Variants in FAM13A observed in about 807,000 individuals in gnomAD.
The protein encoded by FAM13A is family with sequence similarity 13 member A.
Under a neutral mutation model 129.6 loss-of-function variants are expected in FAM13A, and 76 were observed. The ratio of observed to expected loss-of-function variants is 0.59; its 90% confidence interval spans 0.49 to 0.71. FAM13A has a LOEUF of 0.71. Among genes scored for constraint, FAM13A ranks in the 30% least tolerant of loss-of-function variants. The pLI is 0.00. For synonymous variants in FAM13A, 443 were observed against 449.9 expected, an observed-to-expected ratio of 0.98 and a Z score of 0.20; for missense variants, 1,108 against 1,249.3, an observed-to-expected ratio of 0.89 and a Z score of 1.70.
intron 7 of FAM13A, among the ~76,000 whole-genome samples, chr4:88,837,140 A>T (rs973634541): frequency 6.6e-6 from 1 of 150,508 alleles, no homozygotes; most frequent in African/African-American, 2.4e-5. Flanking sequence ...GATTACAGGC[A>T]TGCGCCACCA....
At chr4:88,976,208 A>G (rs16996143) in intron 4 of FAM13A, among the ~76,000 whole-genome samples, 105,513 of 152,030 alleles carry the variant, frequency 0.69, 36,747 homozygotes, top group Middle Eastern at 0.8. Flanking sequence ...CTGACTTAAA[A>G]GATCTTGAAT....
chr4:89,040,215 G>A (rs561076519), intron 1 of FAM13A, among the ~76,000 whole-genome samples: 2 of 152,248 alleles, frequency 1.3e-5, no homozygotes, highest in African/African-American at 2.4e-5. Context: ...GCCTGTATAT[G>A]TATTGTATAT....
intron 3 of FAM13A, among the ~76,000 whole-genome samples, chr4:89,007,160 T>C (rs1056059665): frequency 1.1e-4 from 16 of 152,148 alleles, no homozygotes; most frequent in African/African-American, 3.4e-4. Flanking sequence ...GATTTAAAAA[T>C]GCCTACAAAG....
At chr4:88,951,323 G>T (rs1222523462) in intron 4 of FAM13A, among the ~76,000 whole-genome samples, 2 of 152,172 alleles carry the variant, frequency 1.3e-5, no homozygotes, top group Non-Finnish European at 2.9e-5. Flanking sequence ...GTGTGGATGA[G>T]TTCTATGAAC....
rs549552554 is a variant in FAM13A at position 88,940,963 on chromosome 4, T to C, written c.606-2722A>G. Among the ~76,000 whole-genome samples the C allele has an allele frequency of 1.3e-3, 196 of 152,326 alleles. 2 individuals are homozygous for C. Among genetic ancestry groups the C allele is most frequent in the African/African-American group, 4.1e-3 (172 of 41,582 alleles). Reference sequence around the variant, plus strand: ...GAGAGGATACAAAATGAAAGGATGATGTTGGCACCCCCAAATTCTATTGGC... The same window carrying C: ...GAGAGGATACAAAATGAAAGGATGACGTTGGCACCCCCAAATTCTATTGGC... On this transcript the variant is annotated intron_variant, in intron 4 of 23. Transcript: ENST00000264344.
chr4:89,037,935 G>A (rs1457898759), intron 1 of FAM13A, among the ~76,000 whole-genome samples: 2 of 152,174 alleles, frequency 1.3e-5, no homozygotes, highest in Non-Finnish European at 2.9e-5. Context: ...GTGGAACCAG[G>A]AGACAATTAA....
At chr4:88,964,082 T>C (rs945578603) in intron 4 of FAM13A, among the ~76,000 whole-genome samples, 11 of 152,196 alleles carry the variant, frequency 7.2e-5, no homozygotes, top group African/African-American at 2.7e-4. Context: ...CAACATAAAG[T>C]AGCTGCAATC....
intron 4 of FAM13A, among the ~76,000 whole-genome samples, chr4:88,972,045 T>C (rs1490195409): frequency 1.3e-5 from 2 of 152,138 alleles, no homozygotes; most frequent in Non-Finnish European, 2.9e-5. Context: ...CATAAACACA[T>C]ATATATACAT....
chr4:88,999,645 G>A (rs1264891295), intron 3 of FAM13A, among the ~76,000 whole-genome samples: 1 of 152,102 alleles, frequency 6.6e-6, no homozygotes, highest in Admixed American at 6.6e-5. Flanking sequence ...GCCTGTAAGT[G>A]GATTTGGTGC....
chr4:88,731,813 TC>T (rs1338568306), intron 22 of FAM13A, 188 bp downstream of exon 22: 1 of 544,128 alleles, frequency 1.8e-6, no homozygotes, highest in East Asian at 3.0e-5. Flanking sequence ...ACTCAAAAGT[TC>T]CCTCAAATAA....
intron 4 of FAM13A, among the ~76,000 whole-genome samples, chr4:88,951,159 A>G (rs913232753): frequency 3.3e-5 from 5 of 152,156 alleles, no homozygotes; most frequent in African/African-American, 7.2e-5. Flanking sequence ...AAACCTTCCC[A>G]TTTTGAAAAT....
intron 1 of FAM13A, among the ~76,000 whole-genome samples, chr4:89,055,882 A>G (rs932604499): frequency 1.3e-5 from 2 of 152,176 alleles, no homozygotes; most frequent in African/African-American, 2.4e-5. Context: ...AACTTAATCT[A>G]TAGGGCTGGT....
intron 7 of FAM13A, among the ~76,000 whole-genome samples, chr4:88,821,089 G>T (rs994080379): frequency 1.5e-4 from 23 of 152,168 alleles, no homozygotes; most frequent in African/African-American, 5.5e-4. Context: ...AATAGCCAAA[G>T]ATACCAAACT....
intron 6 of FAM13A, among the ~76,000 whole-genome samples, chr4:88,887,760 T>C (rs1561255762): frequency 6.6e-6 from 1 of 152,132 alleles, no homozygotes; most frequent in Admixed American, 6.6e-5. Context: ...CTCAAACTCC[T>C]GGCCTCCAGT....
At chr4:88,868,625 T>C (rs911333245) in intron 6 of FAM13A, among the ~76,000 whole-genome samples, 7 of 152,176 alleles carry the variant, frequency 4.6e-5, no homozygotes, top group Non-Finnish European at 7.3e-5. Flanking sequence ...CCCCAGACTA[T>C]TTCCGCAGGT....
rs759707832 is a variant in FAM13A at position 88,990,959 on chromosome 4, C to T, written c.605+14G>A. 16 of 1,604,376 alleles carry T rather than the reference C, an allele frequency of 1.0e-5. No homozygotes were observed. The South Asian group carries it at 1.8e-4, about 18-fold the overall frequency. On this transcript the variant is annotated intron_variant, in intron 4 of 23. Coordinates refer to ENST00000264344, the MANE Select transcript of FAM13A (RefSeq NM_014883.4). ...GGACATGATGATATTAACAGTAAAACTCCACTAACTTACTGAAAGCAATTT... is the reference window on the plus strand; with the variant it reads ...GGACATGATGATATTAACAGTAAAATTCCACTAACTTACTGAAAGCAATTT...
rs539305651 is a variant in FAM13A, at chr4:88,797,146, CAATTAG to C, written c.1050-6525_1050-6520del. Reference sequence around the variant, plus strand: ...CTAATTTTTTTTTAAATTTATCTCTCAATTAGCTGGGCACACACTATACTTGTATTT... The same window carrying C: ...CTAATTTTTTTTTAAATTTATCTCTCCTGGGCACACACTATACTTGTATTT... On this transcript the variant is annotated intron_variant, in intron 8 of 23. Coordinates refer to ENST00000264344, the MANE Select transcript of FAM13A (RefSeq NM_014883.4). 4.3e-3 allele frequency among the ~76,000 whole-genome samples: 657 copies of C among 152,120 alleles called. 3 individuals carry two copies. The highest frequency in any genetic ancestry group is 0.015 in the African/African-American group (640 of 41,534).
At position 88,826,473 on chromosome 4, in the gene FAM13A, T is replaced by C. The variant is rs113115380; in HGVS notation, c.1008-21421A>G. On this transcript the variant is annotated intron_variant, in intron 7 of 23. Transcript: ENST00000264344. ...GATTGCAAAAGAAAATCTCATAACTTGGTAACTAGTTATACTAAAAATTCG... is the reference window on the plus strand; with the variant it reads ...GATTGCAAAAGAAAATCTCATAACTCGGTAACTAGTTATACTAAAAATTCG... 5.2e-4 allele frequency among the ~76,000 whole-genome samples: 79 copies of C among 152,282 alleles called. No homozygotes were observed. The South Asian group carries it at 0.016, about 31-fold the overall frequency.
At chr4:88,891,702 A>T (rs913289175) in intron 6 of FAM13A, among the ~76,000 whole-genome samples, 3 of 152,198 alleles carry the variant, frequency 2.0e-5, no homozygotes, top group African/African-American at 7.2e-5. Flanking sequence ...AAAAGAGAAA[A>T]GCCATACAAT....
Sources: allele counts gnomAD v4.1 joint callset (sites outside exome capture counted in the v4.1 genomes callset), GRCh38; gene constraint gnomAD v4.1.1; transcripts MANE v1.5; gene names NCBI Gene and HGNC (gene_info 2026-07-23, HGNC 2026-07-21).